Variants in MACROD2 observed in about 807,000 individuals in gnomAD.
The protein encoded by MACROD2 is mono-ADP ribosylhydrolase 2, also known as ADP-ribose glycohydrolase MACROD2.
In MACROD2, 36 loss-of-function variants were observed where a neutral mutation model predicts 70.4. That is an observed-to-expected ratio of 0.51 (90% confidence interval 0.39 to 0.68). The LOEUF (loss-of-function observed/expected upper bound fraction) is 0.68. Among genes scored for constraint, MACROD2 ranks in the 30% least tolerant of loss-of-function variants. The probability of loss-of-function intolerance (pLI) is 0.00; values close to 1 mark genes in which losing one functional copy is unlikely to be tolerated. For missense variants in MACROD2, 496 were observed against 538.4 expected (o/e 0.92, Z 0.78); for synonymous variants, 172 against 178.8 (o/e 0.96, Z 0.30).
chr20:14,396,144 C>T (rs2122819237), intron 3 of MACROD2, among the ~76,000 whole-genome samples: 2 of 152,198 alleles, frequency 1.3e-5, no homozygotes, highest in Middle Eastern at 3.4e-3. Context: ...TTTTATGGTC[C>T]ATGGTGTTGT....
At chr20:14,664,865 T>C (rs1201257795) in intron 4 of MACROD2, among the ~76,000 whole-genome samples, 2 of 152,078 alleles carry the variant, frequency 1.3e-5, no homozygotes, top group South Asian at 2.1e-4. Context: ...ATCAAAATAG[T>C]ATTGATGGAC....
At chr20:14,451,421 C>T (rs770167470) in intron 3 of MACROD2, among the ~76,000 whole-genome samples, 24 of 152,106 alleles carry the variant, frequency 1.6e-4, no homozygotes, top group Non-Finnish European at 3.5e-4. Flanking sequence ...TGCTCTCCAG[C>T]CTGTGACAGA....
chr20:14,153,949 T>G (rs184648355), intron 3 of MACROD2, among the ~76,000 whole-genome samples: 232 of 152,318 alleles, frequency 1.5e-3, no homozygotes, highest in African/African-American at 5.4e-3. Context: ...TCAACACCCT[T>G]TGCCAGTTTG....
intron 5 of MACROD2, among the ~76,000 whole-genome samples, chr20:14,966,562 C>T (rs1173687706): frequency 6.6e-6 from 1 of 152,154 alleles, no homozygotes; most frequent in African/African-American, 2.4e-5. Flanking sequence ...GGCAACAGAG[C>T]AAGAACCTGT....
rs190523336 is a variant in MACROD2 at position 14,341,392 on chromosome 20, C to T, written c.272-152087C>T. Among the ~76,000 whole-genome samples the T allele has an allele frequency of 2.8e-3, 424 of 152,234 alleles. 3 individuals are homozygous for T. Among genetic ancestry groups the T allele is most frequent in the Admixed American group, 3.7e-3 (57 of 15,292 alleles). On this transcript the variant is annotated intron_variant, in intron 3 of 17. Coordinates refer to ENST00000684519, the MANE Select transcript of MACROD2 (RefSeq NM_001351661.2). ...GTGGCTCATGCCTGTAATCCCAGCA[C>T]TTTGGGAGGCCGAGGCGGGAGGATC...
chr20:14,496,775 T>C (rs553926619), intron 4 of MACROD2, among the ~76,000 whole-genome samples: 1 of 151,890 alleles, frequency 6.6e-6, no homozygotes, highest in Non-Finnish European at 1.5e-5. Context: ...TATGTACTAA[T>C]TTCTTAATAT....
intron 8 of MACROD2, among the ~76,000 whole-genome samples, chr20:15,805,680 T>G (rs1216454676): frequency 6.6e-6 from 1 of 152,122 alleles, no homozygotes; most frequent in Non-Finnish European, 1.5e-5. Flanking sequence ...TTCTCCATGT[T>G]GGTAAGGCTG....
At chr20:14,800,549 G>T (rs1955583069) in intron 5 of MACROD2, among the ~76,000 whole-genome samples, 1 of 152,100 alleles carries the variant, frequency 6.6e-6, no homozygotes, top group African/African-American at 2.4e-5. Flanking sequence ...GTTGCCCAAT[G>T]CAATTTAAGA....
At chr20:14,274,216 C>G (rs1411978914) in intron 3 of MACROD2, among the ~76,000 whole-genome samples, 1 of 152,126 alleles carries the variant, frequency 6.6e-6, no homozygotes, top group Non-Finnish European at 1.5e-5. Flanking sequence ...AGACCAATAT[C>G]CTTGATGAAC....
At chr20:14,232,692 G>A (rs1342072485) in intron 3 of MACROD2, among the ~76,000 whole-genome samples, 1 of 152,232 alleles carries the variant, frequency 6.6e-6, no homozygotes, top group Non-Finnish European at 1.5e-5. Context: ...TTGGTTTGAT[G>A]TTCTATCCAG....
At chr20:14,748,204 C>G (rs1174013802) in intron 5 of MACROD2, among the ~76,000 whole-genome samples, 1 of 152,098 alleles carries the variant, frequency 6.6e-6, no homozygotes, top group Non-Finnish European at 1.5e-5. Context: ...TCACGAAAAC[C>G]TTTCCTGAAC....
chr20:15,165,311 C>T (rs2076376254), intron 5 of MACROD2, among the ~76,000 whole-genome samples: 1 of 152,070 alleles, frequency 6.6e-6, no homozygotes, highest in Admixed American at 6.5e-5. Context: ...CAAAAATTAG[C>T]CAGGTGTTGT....
intron 5 of MACROD2, among the ~76,000 whole-genome samples, chr20:14,911,326 AT>A (rs1006838939): frequency 2.5e-4 from 38 of 151,626 alleles, no homozygotes; most frequent in Non-Finnish European, 4.1e-4. Context: ...TTGCTAGTTG[AT>A]TTTTTTTTCT....
chr20:15,704,955 T>C (rs185970509), intron 8 of MACROD2, among the ~76,000 whole-genome samples: 86 of 152,332 alleles, frequency 5.6e-4, no homozygotes, highest in Admixed American at 6.5e-4. Context: ...CAGTCACCCA[T>C]AGAGGTGAAA....
chr20:15,577,403 C>T (rs2146639412), intron 8 of MACROD2, among the ~76,000 whole-genome samples: 1 of 152,082 alleles, frequency 6.6e-6, no homozygotes, highest in African/African-American at 2.4e-5. Context: ...TGCGTATGTA[C>T]CTCTAAAAGG....
At chr20:14,037,854 A>C (rs754388777) in intron 2 of MACROD2, among the ~76,000 whole-genome samples, 26 of 151,702 alleles carry the variant, frequency 1.7e-4, no homozygotes, top group African/African-American at 7.3e-5. Context: ...ACAAAAAAAA[A>C]CCCCAAGAAA....
At chr20:14,173,629 T>G (rs185997075) in intron 3 of MACROD2, among the ~76,000 whole-genome samples, 18 of 152,328 alleles carry the variant, frequency 1.2e-4, no homozygotes, top group Admixed American at 7.2e-4. Flanking sequence ...TTCAGAGATT[T>G]TTATCTTGGT....
intron 8 of MACROD2, among the ~76,000 whole-genome samples, chr20:15,538,432 T>C (rs1482614336): frequency 6.6e-6 from 1 of 152,218 alleles, no homozygotes; most frequent in African/African-American, 2.4e-5. Flanking sequence ...GTGATTCTAT[T>C]AACCCCTTTT....
intron 6 of MACROD2, among the ~76,000 whole-genome samples, chr20:15,410,805 C>T (rs1777205708): frequency 6.6e-6 from 1 of 152,154 alleles, no homozygotes; most frequent in Admixed American, 6.5e-5. Flanking sequence ...TTTTGAGTTG[C>T]CAAACCTCTA....
Sources: allele counts gnomAD v4.1 joint callset (sites outside exome capture counted in the v4.1 genomes callset), GRCh38; gene constraint gnomAD v4.1.1; transcripts MANE v1.5; gene names NCBI Gene and HGNC (gene_info 2026-07-23, HGNC 2026-07-21).